ARID1B: variants seen among roughly 807,000 people sequenced by gnomAD.
The protein encoded by ARID1B is AT-rich interactive domain-containing protein 1B.
A neutral mutation model predicts 212.3 loss-of-function variants in ARID1B; 30 were observed. That is an observed-to-expected ratio of 0.14 (90% CI 0.11 to 0.19). ARID1B has a LOEUF of 0.19. Ranked by LOEUF, ARID1B falls within the 10% of genes least tolerant of loss-of-function variation. ARID1B has a pLI of 1.00. For synonymous variants in ARID1B, 1,402 were observed against 1,301.7 expected (o/e 1.08, Z -1.66); for missense variants, 2,891 against 3,204.0 (o/e 0.90, Z 2.36).
chr6:157,089,616 C>CAA (rs1213813839), intron 5 of ARID1B, among the ~76,000 whole-genome samples: 6 of 152,146 alleles, frequency 3.9e-5, no homozygotes, highest in African/African-American at 1.4e-4. Flanking sequence ...TGACTCTAAA[C>CAA]AAGCATTTGA....
Position 156,778,261 on chromosome 6 carries a change from A to G in ARID1B, c.581A>G (p.Asn194Ser). Residue 194 changes from asparagine to serine, a missense_variant, in exon 1 of 20, where the codon AAC becomes AGC. This residue lies in a region of ARID1B where 1,643 missense variants were observed against 1,544.0 expected (regional missense o/e 1.06). Transcript: ENST00000636930. ...CACCACGCACTACAGCAGCAGCTAA[A>G]CCAGTTCCAGCAGCAGCAGCAGCAG... ...HHHHALQQQLNQFQQQQQQQQ... is the reference protein window; with the variant it reads ...HHHHALQQQLSQFQQQQQQQQ... 8 of 1,542,766 alleles carry G rather than the reference A, an allele frequency of 5.2e-6. No individual in the cohort carries two copies. The highest frequency in any genetic ancestry group is 7.0e-6 in the Non-Finnish European group (8 of 1,146,668).
In ARID1B at chr6:156,778,037, C is replaced by T. The variant is rs1232487351; in HGVS notation, c.357C>T (p.Ser119=). 1.3e-6 allele frequency: 2 copies of T among 1,531,850 alleles called. No homozygotes were observed. Among genetic ancestry groups the T allele is most frequent in the African/African-American group, 1.4e-5 (1 of 72,506 alleles). 94.9% of individuals were successfully genotyped at this position (1,531,850 alleles called of 1,614,324 possible). ...KEGGSAAALS[S]SSSSSAAAAA... The stretch of plus-strand genomic sequence containing the variant: ...GTGGAAGCGCCGCCGCGCTGTCCTC[C>T]TCCTCCTCCTCCTCCGCGGCGGCAG... Residue 119 remains serine (S), a synonymous_variant, in exon 1 of 20, where the codon TCC becomes TCT. Coordinates refer to ENST00000636930, the MANE Select transcript of ARID1B (RefSeq NM_001374828.1).
At position 156,779,479 on chromosome 6, in the gene ARID1B, TCG is replaced by T; in HGVS notation, c.1791+12_1791+13del. ...ACCATGGGCAGATCCCAGGTAACCCTCGCGCCAGCCGGGCCTGCTTCCGCCCG... is the reference window on the plus strand; with the variant it reads ...ACCATGGGCAGATCCCAGGTAACCCTCGCCAGCCGGGCCTGCTTCCGCCCG... On this transcript the variant is annotated intron_variant, in intron 1 of 19. Coordinates refer to ENST00000636930, the MANE Select transcript of ARID1B (RefSeq NM_001374828.1). 1 of 1,374,764 alleles carries T rather than the reference TCG, an allele frequency of 7.3e-7. No homozygotes were observed. Among genetic ancestry groups the T allele is most frequent in the Non-Finnish European group, 9.4e-7 (1 of 1,058,834 alleles). 85.2% of individuals were successfully genotyped at this position (1,374,764 alleles called of 1,614,324 possible).
At chr6:156,793,525 G>C (rs1295792136) in intron 1 of ARID1B, among the ~76,000 whole-genome samples, 1 of 151,906 alleles carries the variant, frequency 6.6e-6, no homozygotes, top group Non-Finnish European at 1.5e-5. Context: ...TTGCAGAGAT[G>C]GGGTCTCACT....
At chr6:157,180,081 A>C (rs990762419) in intron 11 of ARID1B, among the ~76,000 whole-genome samples, 7 of 152,246 alleles carry the variant, frequency 4.6e-5, no homozygotes, top group Non-Finnish European at 1.0e-4. Flanking sequence ...CAAATATTGT[A>C]AATATTTTTA....
At chr6:157,053,812 GCCTGTAAT>G (rs1436953607) in intron 4 of ARID1B, among the ~76,000 whole-genome samples, 1 of 152,170 alleles carries the variant, frequency 6.6e-6, no homozygotes, top group Non-Finnish European at 1.5e-5. Flanking sequence ...TGTGGTTCAC[GCCTGTAAT>G]CCCAGCACTT....
chr6:156,856,702 A>ACTCTCTCTCTCTCTCTCTCT (rs1784970237), intron 2 of ARID1B, among the ~76,000 whole-genome samples: 1 of 39,030 alleles, frequency 2.6e-5, no homozygotes. Flanking sequence ...TCTCTCTCTC[A>ACTCTCTCTCTCTCTCTCTCT]CACACACACA....
In ARID1B at chr6:157,133,024, T is replaced by C; in HGVS notation, c.2582-4T>C. The C allele has an allele frequency of 2.5e-6, 4 of 1,595,432 alleles. No individual in the cohort carries two copies. The highest frequency in any genetic ancestry group is 3.4e-6 in the Non-Finnish European group (4 of 1,173,264). On this transcript the variant is annotated splice_region_variant and splice_polypyrimidine_tract_variant and intron_variant, in intron 6 of 19. Coordinates refer to ENST00000636930, the MANE Select transcript of ARID1B (RefSeq NM_001374828.1). ...TTATATGTTTCCATTTATTTCCCAC[T>C]TAGGTTTTATGGCAGGCACACAAAG...
intron 4 of ARID1B, among the ~76,000 whole-genome samples, chr6:157,038,495 C>T (rs1029942806): frequency 6.6e-6 from 1 of 152,120 alleles, no homozygotes; most frequent in South Asian, 2.1e-4. Context: ...CACAATTTTA[C>T]ATTCATAAAT....
chr6:156,905,250 G>GCACGCACACACACACACACA (rs1554265936), intron 3 of ARID1B, among the ~76,000 whole-genome samples: 3 of 143,728 alleles, frequency 2.1e-5, no homozygotes, highest in East Asian at 4.1e-4. Context: ...ACATATGCAC[G>GCACGCACACACACACACACA]CACACACACA....
rs567719662 is a variant in ARID1B at position 156,893,045 on chromosome 6, C to CTTTTTTTTTTTTTTTTTTTTTTT, written c.1987-8316_1987-8315insTTTTTTTTTTTTTTTTTTTTTTT. Among the ~76,000 whole-genome samples the CTTTTTTTTTTTTTTTTTTTTTTT allele has an allele frequency of 1.6e-3, 135 of 85,912 alleles. 9 individuals are homozygous for CTTTTTTTTTTTTTTTTTTTTTTT. Among genetic ancestry groups the CTTTTTTTTTTTTTTTTTTTTTTT allele is most frequent in the African/African-American group, 5.6e-3 (120 of 21,316 alleles). 56.4% of individuals were successfully genotyped at this position (85,912 alleles called of 152,430 possible). A position where few individuals can be genotyped will look rare whatever the true frequency, so the allele number is the denominator to read the frequency against. On this transcript the variant is annotated intron_variant, in intron 2 of 19. Coordinates refer to ENST00000636930, the MANE Select transcript of ARID1B (RefSeq NM_001374828.1). ...AACTCTTTTTTTTTCTTTTTTCTTC[C>CTTTTTTTTTTTTTTTTTTTTTTT]TTTTTTTTTTTTTTTGAGATGGAGT... is the stretch of plus-strand genomic sequence containing the variant.
chr6:157,156,330 T>C (rs1790573300), intron 8 of ARID1B, among the ~76,000 whole-genome samples: 1 of 152,240 alleles, frequency 6.6e-6, no homozygotes, highest in Non-Finnish European at 1.5e-5. Flanking sequence ...AATGTAAGCC[T>C]TTGCATTATC....
rs1351212592 is a variant in ARID1B at position 157,084,800 on chromosome 6, C to A, written c.2386C>A (p.Pro796Thr). 1 of 1,614,050 alleles carries A rather than the reference C, an allele frequency of 6.2e-7. No individual in the cohort carries two copies. The highest frequency in any genetic ancestry group is 8.5e-7 in the Non-Finnish European group (1 of 1,179,924). The change falls in exon 5 of 20, where the codon CCT becomes ACT. Residue 796 changes from proline (P) to threonine (T), a missense_variant. This residue lies in a region of ARID1B where 1,643 missense variants were observed against 1,544.0 expected (regional missense o/e 1.06). Coordinates refer to ENST00000636930, the MANE Select transcript of ARID1B (RefSeq NM_001374828.1). ...GTCGCCTTTCTCCCCACATGCGTCC[C>A]CTCATCTCTCCAGCATCCCGGGGGG... is the stretch of plus-strand genomic sequence containing the variant. The part of the protein sequence containing the change: ...AQSPFSPHAS[P>T]HLSSIPGGPS...
Position 156,893,045 on chromosome 6 carries a change from C to CTTTTTTTTTTTTTTTTTTTTTTTTTT in ARID1B, c.1987-8316_1987-8315insTTTTTTTTTTTTTTTTTTTTTTTTTT, listed in dbSNP as rs567719662. ...AACTCTTTTTTTTTCTTTTTTCTTC[C>CTTTTTTTTTTTTTTTTTTTTTTTTTT]TTTTTTTTTTTTTTTGAGATGGAGT... On this transcript the variant is annotated intron_variant, in intron 2 of 19. Coordinates refer to ENST00000636930, the MANE Select transcript of ARID1B (RefSeq NM_001374828.1). Among the ~76,000 whole-genome samples the CTTTTTTTTTTTTTTTTTTTTTTTTTT allele has an allele frequency of 2.9e-4, 25 of 85,910 alleles. 1 individual carries two copies. Among genetic ancestry groups the CTTTTTTTTTTTTTTTTTTTTTTTTTT allele is most frequent in the African/African-American group, 1.1e-3 (24 of 21,312 alleles). The allele number at this position is 85,910 out of a possible 152,430, so 56.4% of individuals were successfully genotyped here.
intron 2 of ARID1B, among the ~76,000 whole-genome samples, chr6:156,880,196 G>T (rs758647197): frequency 6.6e-6 from 1 of 152,138 alleles, no homozygotes; most frequent in Non-Finnish European, 1.5e-5. Flanking sequence ...TTAGTAGAGC[G>T]GGTCAAAGGA....
chr6:157,147,951 G>C (rs1230453162), intron 7 of ARID1B, among the ~76,000 whole-genome samples: 2 of 109,436 alleles, frequency 1.8e-5, no homozygotes, highest in African/African-American at 7.3e-5. Flanking sequence ...CTGCCCGCCA[G>C]CTCTCCTGCT....
At chr6:156,823,525 A>G (rs1464014983) in intron 1 of ARID1B, among the ~76,000 whole-genome samples, 1 of 152,198 alleles carries the variant, frequency 6.6e-6, no homozygotes, top group Non-Finnish European at 1.5e-5. Context: ...GAAATAGAAC[A>G]GATTTCAAAA....
intron 2 of ARID1B, among the ~76,000 whole-genome samples, chr6:156,889,707 G>A (rs1787778582): frequency 6.6e-6 from 1 of 152,174 alleles, no homozygotes; most frequent in African/African-American, 2.4e-5. Context: ...TATTCTAGCT[G>A]CTGTTTCACA....
chr6:157,041,998 A>G (rs951905406), intron 4 of ARID1B, among the ~76,000 whole-genome samples: 1 of 152,128 alleles, frequency 6.6e-6, no homozygotes, highest in Non-Finnish European at 1.5e-5. Flanking sequence ...CTTCCTCAGC[A>G]GCGTTTTGTT....
Sources: gnomAD v4.1 joint callset for allele counts (sites outside exome capture counted in the v4.1 genomes callset) on GRCh38, gnomAD v4.1.1 for gene constraint, gnomAD v4.1.1 regional missense constraint, MANE v1.5 for transcripts, NCBI Gene and HGNC (gene_info 2026-07-23, HGNC 2026-07-21) for gene names.